Variants in AGBL1 observed in about 807,000 individuals in gnomAD.
The protein encoded by AGBL1 is AGBL carboxypeptidase 1.
Under a neutral mutation model 118.9 loss-of-function variants are expected in AGBL1, and 130 were observed. That is an observed-to-expected ratio of 1.09 (90% CI 0.95 to 1.26). The LOEUF (loss-of-function observed/expected upper bound fraction) is 1.26. Ranked by LOEUF, AGBL1 falls within the 50% of genes most tolerant of loss-of-function variation. The pLI is 0.00. For missense variants in AGBL1, 1,584 were observed against 1,298.1 expected (o/e 1.22, Z -3.38); for synonymous variants, 555 against 478.9 (o/e 1.16, Z -2.08).
chr15:86,835,174 C>T (rs1219295169), intron 22 of AGBL1, among the ~76,000 whole-genome samples: 1 of 152,000 alleles, frequency 6.6e-6, no homozygotes, highest in African/African-American at 2.4e-5. Flanking sequence ...ACTATTTGAT[C>T]CCCATTTTAT....
chr15:87,027,856 G>A lies in AGBL1; in HGVS notation c.3324-969G>A, dbSNP rs551370281. 2.6e-5 allele frequency among the ~76,000 whole-genome samples: 4 copies of A among 151,944 alleles called. No individual in the cohort carries two copies. In the South Asian group the frequency reaches 8.3e-4, roughly 32 times the overall value. On this transcript the variant is annotated intron_variant, in intron 24 of 24. Coordinates refer to the AGBL1 transcript ENST00000441037. The stretch of plus-strand genomic sequence containing the variant: ...TTGAGAACACATGGACACATCAAGG[G>A]GAACAACACACACTGGGGCCTCTCG...
At chr15:86,491,076 A>C (rs1471586826) in intron 18 of AGBL1, among the ~76,000 whole-genome samples, 4 of 152,154 alleles carry the variant, frequency 2.6e-5, no homozygotes, top group Non-Finnish European at 2.9e-5. Flanking sequence ...TGAATTGAGA[A>C]GTCAGACACA....
chr15:86,241,445 C>T (rs750557843), intron 6 of AGBL1, among the ~76,000 whole-genome samples: 12 of 152,098 alleles, frequency 7.9e-5, no homozygotes, highest in Admixed American at 3.3e-4. Flanking sequence ...CAGTTCAGAA[C>T]GCTAAGTGTC....
chr15:87,019,040 ATG>A (rs1193201761), intron 24 of AGBL1, among the ~76,000 whole-genome samples: 1 of 152,170 alleles, frequency 6.6e-6, no homozygotes, highest in Non-Finnish European at 1.5e-5. Context: ...GCATTACATA[ATG>A]GTAAAGGGTT....
intron 23 of AGBL1, among the ~76,000 whole-genome samples, chr15:86,959,919 G>T (rs1567260055): frequency 6.6e-6 from 1 of 151,960 alleles, no homozygotes; most frequent in Non-Finnish European, 1.5e-5. Flanking sequence ...TTATTGCTCT[G>T]TTCATTTGTC....
chr15:86,215,224 CGTGTGTGTGTGTGT>C (rs1555449552), intron 5 of AGBL1, among the ~76,000 whole-genome samples: 3,921 of 114,456 alleles, frequency 0.034, 177 homozygotes, highest in African/African-American at 0.11. Flanking sequence ...TATATGTATG[CGTGTGTGTGTGTGT>C]GTGTGTGTGT....
At chr15:86,147,815 C>G (rs1408582933) in intron 3 of AGBL1, among the ~76,000 whole-genome samples, 1 of 152,240 alleles carries the variant, frequency 6.6e-6, no homozygotes, top group African/African-American at 2.4e-5. Context: ...AAGTGTGTCC[C>G]TGACCCCCAT....
intron 23 of AGBL1, among the ~76,000 whole-genome samples, chr15:86,925,170 A>AG (rs1463207680): frequency 1.9e-3 from 8 of 4,254 alleles, no homozygotes; most frequent in East Asian, 9.6e-3. Flanking sequence ...AGGAGGAGGA[A>AG]GAGGAAGAGG....
intron 23 of AGBL1, among the ~76,000 whole-genome samples, chr15:86,953,947 A>G (rs2080904891): frequency 6.6e-6 from 1 of 152,130 alleles, no homozygotes; most frequent in African/African-American, 2.4e-5. Flanking sequence ...GGCTAAAAAA[A>G]GAAGATGGAC....
intron 4 of AGBL1, 41 bp from the exon 5 acceptor site, chr15:86,158,892 T>C (rs1370428283): frequency 1.9e-6 from 3 of 1,573,324 alleles, no homozygotes; most frequent in Admixed American, 3.3e-5. Flanking sequence ...CCTTAACTCA[T>C]CCACTTGTGA....
In AGBL1 at chr15:86,188,082, T is replaced by C. The variant is rs531449013; in HGVS notation, c.488+29056T>C. 5.3e-5 allele frequency among the ~76,000 whole-genome samples: 8 copies of C among 152,340 alleles called. No homozygotes were observed. The East Asian group carries it at 1.5e-3, about 29-fold the overall frequency. On this transcript the variant is annotated intron_variant, in intron 5 of 22. Coordinates refer to ENST00000614907, the MANE Select transcript of AGBL1 (RefSeq NM_001386094.1). ...GCTTAATAGTAGCTACTGAATTAGCTTGGGCACATGGCATGAATGTGTACA... is the reference window on the plus strand; with the variant it reads ...GCTTAATAGTAGCTACTGAATTAGCCTGGGCACATGGCATGAATGTGTACA...
intron 22 of AGBL1, among the ~76,000 whole-genome samples, chr15:86,773,197 T>C (rs1397625714): frequency 6.6e-6 from 1 of 152,056 alleles, no homozygotes. Flanking sequence ...TTCTTGGCTT[T>C]GAGAAACGAA....
intron 9 of AGBL1, among the ~76,000 whole-genome samples, chr15:86,262,280 G>A (rs12911280): frequency 0.12 from 17,469 of 151,250 alleles, 1,337 homozygotes; most frequent in Non-Finnish European, 0.16. Flanking sequence ...TTCTTCTCTC[G>A]CTAAAAGGCA....
chr15:86,403,071 T>TTGGTA (rs962640504), intron 18 of AGBL1, among the ~76,000 whole-genome samples: 1 of 152,004 alleles, frequency 6.6e-6, no homozygotes, highest in African/African-American at 2.4e-5. Flanking sequence ...GAAGTGATAA[T>TTGGTA]TGGTAGCTGG....
intron 20 of AGBL1, 87 bp downstream of exon 20, chr15:86,546,220 A>T: frequency 1.2e-5 from 13 of 1,079,476 alleles, no homozygotes; most frequent in Non-Finnish European, 1.2e-5. Context: ...TCATTTATTT[A>T]GTTTTTTTTT....
chr15:86,499,659 G>T (rs985710996), intron 18 of AGBL1, among the ~76,000 whole-genome samples: 2 of 151,858 alleles, frequency 1.3e-5, no homozygotes, highest in Non-Finnish European at 2.9e-5. Context: ...TTCAATTCTG[G>T]ACTGGTCCCA....
chr15:86,632,687 C>G (rs968656638), intron 21 of AGBL1, among the ~76,000 whole-genome samples: 2 of 151,424 alleles, frequency 1.3e-5, no homozygotes, highest in Admixed American at 6.6e-5. Context: ...TCAAACTAAC[C>G]CATGTAATTT....
At chr15:86,419,572 T>G (rs534275496) in intron 18 of AGBL1, among the ~76,000 whole-genome samples, 1 of 151,920 alleles carries the variant, frequency 6.6e-6, no homozygotes, top group Non-Finnish European at 1.5e-5. Context: ...GAGTTTTTTT[T>G]TTTTTCATAC....
intron 1 of AGBL1, among the ~76,000 whole-genome samples, chr15:86,112,758 T>G (rs1451077469): frequency 6.6e-6 from 1 of 152,228 alleles, no homozygotes; most frequent in Non-Finnish European, 1.5e-5. Context: ...CAGGGCTGGA[T>G]TTTTATCAGG....
Sources: gnomAD v4.1 joint callset for allele counts (sites outside exome capture counted in the v4.1 genomes callset) on GRCh38, gnomAD v4.1.1 for gene constraint, MANE v1.5 for transcripts, NCBI Gene and HGNC (gene_info 2026-07-23, HGNC 2026-07-21) for gene names.